The following SPINT2 variants were observed in gnomAD, a reference collection of about 807,000 sequenced individuals.
SPINT2 encodes kunitz-type protease inhibitor 2.
Under a neutral mutation model 30.1 loss-of-function variants are expected in SPINT2, and 18 were observed. The observed-to-expected ratio is 0.60, with a 90% CI of 0.41 to 0.89. SPINT2 has a LOEUF of 0.89. SPINT2 is among the 40% of genes least tolerant of loss of function. The pLI is 0.00. For synonymous variants in SPINT2, 139 were observed against 137.9 expected, an observed-to-expected ratio of 1.01 and a Z score of -0.05; for missense variants, 276 against 334.3, an observed-to-expected ratio of 0.83 and a Z score of 1.36.
At chr19:38,274,835 T>C (rs1252577213) in intron 1 of SPINT2, among the ~76,000 whole-genome samples, 1 of 140,390 alleles carries the variant, frequency 7.1e-6, no homozygotes, top group Non-Finnish European at 1.6e-5. Context: ...AAACATAAAA[T>C]GGAGAGGTAG....
chr19:38,275,094 C>T (rs151237346), intron 1 of SPINT2, among the ~76,000 whole-genome samples: 442 of 152,262 alleles, frequency 2.9e-3, no homozygotes, highest in Non-Finnish European at 5.0e-3. Flanking sequence ...AAGTGTTTGG[C>T]AATTGCTGGA....
intron 1 of SPINT2, among the ~76,000 whole-genome samples, chr19:38,267,619 G>A (rs1968395038): frequency 6.8e-6 from 1 of 147,000 alleles, no homozygotes; most frequent in African/African-American, 2.5e-5. Flanking sequence ...CAGTTACTGA[G>A]ACAGGTCTAG....
intron 1 of SPINT2, among the ~76,000 whole-genome samples, chr19:38,274,690 C>G (rs542776829): frequency 6.6e-6 from 1 of 152,120 alleles, no homozygotes; most frequent in South Asian, 2.1e-4. Flanking sequence ...GTAGTACACT[C>G]CTGGAGTCCT....
intron 1 of SPINT2, among the ~76,000 whole-genome samples, chr19:38,283,047 C>T (rs1410223076): frequency 6.6e-6 from 1 of 151,418 alleles, no homozygotes; most frequent in African/African-American, 2.4e-5. Context: ...CGTAGTGGCT[C>T]GTGCCTGTGA....
intron 1 of SPINT2, among the ~76,000 whole-genome samples, chr19:38,278,436 C>T (rs548826703): frequency 1.1e-4 from 16 of 152,260 alleles, no homozygotes; most frequent in South Asian, 8.3e-4. Context: ...GTTTGTAAAG[C>T]GGAGATATTA....
At chr19:38,286,280 G>A (rs1270549486) in intron 2 of SPINT2, among the ~76,000 whole-genome samples, 3 of 152,152 alleles carry the variant, frequency 2.0e-5, no homozygotes, top group Middle Eastern at 3.2e-3. Context: ...GCAGGCACTC[G>A]TGTCCCCGGG....
intron 1 of SPINT2, among the ~76,000 whole-genome samples, chr19:38,281,437 C>T (rs12609354): frequency 0.085 from 12,900 of 151,906 alleles, 817 homozygotes; most frequent in East Asian, 0.27. Flanking sequence ...AGGCCGGGCG[C>T]GGTGGCTCAT....
chr19:38,279,451 C>T (rs1032869773), intron 1 of SPINT2, among the ~76,000 whole-genome samples: 1 of 151,574 alleles, frequency 6.6e-6, no homozygotes, highest in African/African-American at 2.4e-5. Flanking sequence ...GAGCCGAGAT[C>T]GCACCATTGC....
intron 1 of SPINT2, among the ~76,000 whole-genome samples, chr19:38,278,559 A>G (rs955297149): frequency 1.3e-5 from 2 of 152,194 alleles, no homozygotes; most frequent in South Asian, 4.1e-4. Flanking sequence ...GCTCATGCCT[A>G]TGATCCCAGC....
chr19:38,270,626 T>G (rs944584553), intron 1 of SPINT2, among the ~76,000 whole-genome samples: 1 of 152,200 alleles, frequency 6.6e-6, no homozygotes, highest in South Asian at 2.1e-4. Context: ...TGCCTTCAGG[T>G]CACCGCGGGA....
intron 1 of SPINT2, 53 bp downstream of exon 1, chr19:38,265,051 G>T: frequency 7.1e-7 from 1 of 1,415,688 alleles, no homozygotes; most frequent in Non-Finnish European, 9.5e-7. Flanking sequence ...AGAGGCTCGG[G>T]GGTCAACGGG....
chr19:38,284,787 G>A (rs544944539), intron 2 of SPINT2, among the ~76,000 whole-genome samples: 23 of 152,114 alleles, frequency 1.5e-4, no homozygotes, highest in Middle Eastern at 3.4e-3. Context: ...TTGCTCTGTC[G>A]CCCAAGTTGG....
At chr19:38,289,253 C>T in intron 4 of SPINT2, 62 bp downstream of exon 4, 1 of 1,424,832 alleles carries the variant, frequency 7.0e-7, no homozygotes, top group Non-Finnish European at 9.9e-7. Context: ...CTTTGGGAGG[C>T]TGAGGTGGGC....
intron 1 of SPINT2, among the ~76,000 whole-genome samples, chr19:38,282,906 A>G (rs915895710): frequency 4.6e-5 from 7 of 151,926 alleles, no homozygotes; most frequent in Admixed American, 3.3e-4. Context: ...CTCCTTCCCA[A>G]CTTCACTTCT....
At chr19:38,283,002 TTG>T (rs1214244355) in intron 1 of SPINT2, among the ~76,000 whole-genome samples, 1 of 126,150 alleles carries the variant, frequency 7.9e-6, no homozygotes, top group Non-Finnish European at 1.7e-5. Flanking sequence ...AGGTTTTGTT[TTG>T]TTTTTTTTTT....
At position 38,290,492 on chromosome 19, in the gene SPINT2, G is replaced by A; in HGVS notation, c.554-45G>A. The A allele has an allele frequency of 6.2e-7, 1 of 1,613,902 alleles. No homozygotes were observed. The highest frequency in any genetic ancestry group is 8.5e-7 in the Non-Finnish European group (1 of 1,179,910). On this transcript the variant is annotated intron_variant, in intron 5 of 6. Coordinates refer to ENST00000301244, the MANE Select transcript of SPINT2 (RefSeq NM_021102.4). This position sits in a 1 kb window ranked among gnomAD's most constrained non-coding sequence, Gnocchi z 4.3. Reference sequence around the variant, plus strand: ...GGGGATCCCCTGCGGCAGCTCTGTGGAATGGGGGCTGTGAGCTGACCTCAG... The same window carrying A: ...GGGGATCCCCTGCGGCAGCTCTGTGAAATGGGGGCTGTGAGCTGACCTCAG...
intron 6 of SPINT2, 150 bp from the exon 7 acceptor site, chr19:38,291,690 C>G: frequency 1.1e-6 from 1 of 930,902 alleles, no homozygotes. Flanking sequence ...TGTGTCCTCT[C>G]CAGCTGCAGT....
Position 38,292,103 on chromosome 19 carries a change from G to T in SPINT2, c.*97G>T. The stretch of plus-strand genomic sequence containing the variant: ...GACTCGGATTTGAGTGATCATTAGG[G>T]CTGAGGTCTGTTTCTCTGGGAGGTA... On this transcript the variant is annotated 3_prime_UTR_variant, in exon 7 of 7. Coordinates refer to ENST00000301244, the MANE Select transcript of SPINT2 (RefSeq NM_021102.4). 6.6e-7 allele frequency: 1 copy of T among 1,507,290 alleles called. No homozygotes were observed. Among genetic ancestry groups the T allele is most frequent in the Non-Finnish European group, 9.0e-7 (1 of 1,113,828 alleles). The allele number at this position is 1,507,290 out of a possible 1,614,324, so 93.4% of individuals were successfully genotyped here. A position where few individuals can be genotyped will look rare whatever the true frequency, so the allele number is the denominator to read the frequency against.
intron 1 of SPINT2, among the ~76,000 whole-genome samples, chr19:38,274,119 T>C (rs1968488729): frequency 6.6e-6 from 1 of 151,836 alleles, no homozygotes; most frequent in South Asian, 2.1e-4. Flanking sequence ...TAGTCCCAGC[T>C]ACTTGGAGGC....
Sources: allele counts gnomAD v4.1 joint callset (sites outside exome capture counted in the v4.1 genomes callset), GRCh38; gene constraint gnomAD v4.1.1; non-coding constraint Gnocchi (gnomAD v3.1); transcripts MANE v1.5; gene names NCBI Gene and HGNC (gene_info 2026-07-23, HGNC 2026-07-21).